Variants in LAPTM4B observed in about 807,000 individuals in gnomAD.
LAPTM4B encodes the protein lysosomal-associated transmembrane protein 4B.
In LAPTM4B, 26 loss-of-function variants were observed where a neutral mutation model predicts 28.5. The observed-to-expected ratio is 0.91, with a 90% CI of 0.67 to 1.27. The LOEUF is 1.27. Among genes scored for constraint, LAPTM4B ranks in the 50% most tolerant of loss-of-function variants. LAPTM4B has a pLI of 0.00. For missense variants in LAPTM4B, 288 were observed against 285.8 expected, an observed-to-expected ratio of 1.01 and a Z score of -0.06; for synonymous variants, 109 against 106.4, an observed-to-expected ratio of 1.02 and a Z score of -0.15.
chr8:97,784,388 A>G (rs754278354), intron 1 of LAPTM4B, among the ~76,000 whole-genome samples: 16 of 152,200 alleles, frequency 1.1e-4, no homozygotes, highest in Admixed American at 2.0e-4. Context: ...ACCATTGAAG[A>G]ATTATGAACA....
At chr8:97,848,210 C>T (rs562943477) in intron 6 of LAPTM4B, among the ~76,000 whole-genome samples, 17 of 152,192 alleles carry the variant, frequency 1.1e-4, no homozygotes, top group African/African-American at 2.4e-4. Context: ...TGCACTCAGC[C>T]GAGATCGCGC....
intron 3 of LAPTM4B, 41 bp from the exon 4 acceptor site, chr8:97,816,017 A>G: frequency 6.8e-7 from 1 of 1,476,084 alleles, no homozygotes; most frequent in Non-Finnish European, 9.1e-7. Context: ...ATTGTTTTAT[A>G]ATATTGAACA....
chr8:97,783,100 T>G (rs1320989871), intron 1 of LAPTM4B, among the ~76,000 whole-genome samples: 1 of 144,074 alleles, frequency 6.9e-6, no homozygotes, highest in Non-Finnish European at 1.5e-5. Context: ...TTAAATATCC[T>G]TGTTCAGTTA....
In LAPTM4B at chr8:97,812,216, T is replaced by G. The variant is rs542331085; in HGVS notation, c.212-3112T>G. 6.8e-3 allele frequency among the ~76,000 whole-genome samples: 185 copies of G among 27,370 alleles called. 7 individuals are homozygous for G. Among genetic ancestry groups the G allele is most frequent in the Middle Eastern group, 0.037 (2 of 54 alleles). The allele number at this position is 27,370 out of a possible 152,430, so 18.0% of individuals were successfully genotyped here. A position where few individuals can be genotyped will look rare whatever the true frequency, so the allele number is the denominator to read the frequency against. ...GTAAATTAATTATTTGTTTTTTTTTTGTTGTTTTTTGTTTTTTTTTTGAGT... is the reference window on the plus strand; with the variant it reads ...GTAAATTAATTATTTGTTTTTTTTTGGTTGTTTTTTGTTTTTTTTTTGAGT... On this transcript the variant is annotated intron_variant, in intron 2 of 6. Transcript: ENST00000521545.
rs369048476 is a variant in LAPTM4B, at chr8:97,825,152, C to A, written c.602C>A (p.Thr201Lys). 6.5e-7 allele frequency: 1 copy of A among 1,538,906 alleles called. No homozygotes were observed. Among genetic ancestry groups the A allele is most frequent in the East Asian group, 2.3e-5 (1 of 44,430 alleles). The change falls in exon 6 of 7, where the codon ACG becomes AAG. Residue 201 changes from threonine (T) to lysine (K), a missense_variant and splice_region_variant. Thr to Lys is a moderately conservative substitution (Grantham distance 78, BLOSUM62 -1). Coordinates refer to ENST00000521545, the MANE Select transcript of LAPTM4B (RefSeq NM_018407.6). ...VLVYVTSNDT[T>K]VLLPPYDDAT... The stretch of plus-strand genomic sequence containing the variant: ...GTTTATGTTACCAGCAATGACACTA[C>A]GGTAGGTATGATGTCACTTATGGTA...
intron 6 of LAPTM4B, among the ~76,000 whole-genome samples, chr8:97,832,656 C>T (rs982216622): frequency 1.5e-5 from 2 of 130,042 alleles, no homozygotes; most frequent in African/African-American, 2.7e-5. Context: ...AGCTTTCTGA[C>T]GATATTTTTT....
In LAPTM4B at chr8:97,805,441, A is replaced by C. The variant is rs537353515; in HGVS notation, c.188A>C (p.Asp63Ala). ...TTTTCAAGTTCTGAACTGGGAGGTG[A>C]CTTTGAGTTCATGGATGATGCCAGT... ...YNFSSSELGG[D>A]FEFMDDANMC... Residue 63 changes from aspartate (D) to alanine (A), a missense_variant, in exon 2 of 7, where the codon GAC becomes GCC. Transcript: ENST00000521545. The C allele has an allele frequency of 8.9e-5, 143 of 1,607,944 alleles. No individual in the cohort carries two copies. In the Middle Eastern group the frequency reaches 1.2e-3, roughly 13 times the overall value.
At chr8:97,848,239 G>A (rs1817461807) in intron 6 of LAPTM4B, among the ~76,000 whole-genome samples, 1 of 152,208 alleles carries the variant, frequency 6.6e-6, no homozygotes, top group Non-Finnish European at 1.5e-5. Context: ...TCCAGCCTGG[G>A]TGACAGAGCA....
At chr8:97,813,220 C>T (rs1000118760) in intron 2 of LAPTM4B, among the ~76,000 whole-genome samples, 4 of 152,234 alleles carry the variant, frequency 2.6e-5, no homozygotes, top group African/African-American at 9.6e-5. Flanking sequence ...GCTGACAGTG[C>T]AGCCTTCAGT....
At chr8:97,850,966 A>T (rs1233899464) in intron 6 of LAPTM4B, among the ~76,000 whole-genome samples, 1 of 151,028 alleles carries the variant, frequency 6.6e-6, no homozygotes, top group African/African-American at 2.5e-5. Flanking sequence ...ATAAAATGTG[A>T]CTGACCCAGG....
At chr8:97,835,955 G>A (rs1460270203) in intron 6 of LAPTM4B, among the ~76,000 whole-genome samples, 4 of 152,166 alleles carry the variant, frequency 2.6e-5, no homozygotes, top group Admixed American at 1.3e-4. Context: ...CATTTTCATA[G>A]GAGCACAGAC....
At chr8:97,836,291 C>T (rs1449891959) in intron 6 of LAPTM4B, among the ~76,000 whole-genome samples, 1 of 152,172 alleles carries the variant, frequency 6.6e-6, no homozygotes, top group Non-Finnish European at 1.5e-5. Flanking sequence ...AGGGATTCTC[C>T]TCCCTCAGCC....
At chr8:97,843,779 TCAAA>T (rs1373647027) in intron 6 of LAPTM4B, among the ~76,000 whole-genome samples, 7 of 115,222 alleles carry the variant, frequency 6.1e-5, no homozygotes, top group African/African-American at 2.6e-4. Context: ...AAACTCCATC[TCAAA>T]TAAATAAATA....
intron 6 of LAPTM4B, among the ~76,000 whole-genome samples, chr8:97,837,447 C>T (rs545951561): frequency 1.3e-5 from 2 of 151,892 alleles, no homozygotes; most frequent in Non-Finnish European, 2.9e-5. Context: ...CCTGCCTTGG[C>T]CACCCGAAGT....
intron 2 of LAPTM4B, among the ~76,000 whole-genome samples, chr8:97,813,938 C>G (rs1001908837): frequency 1.3e-5 from 2 of 152,042 alleles, no homozygotes; most frequent in Non-Finnish European, 2.9e-5. Flanking sequence ...GTTTGGGGTT[C>G]ATTTTTATAA....
chr8:97,804,940 A>G (rs1176140433), intron 1 of LAPTM4B, among the ~76,000 whole-genome samples: 2 of 152,192 alleles, frequency 1.3e-5, no homozygotes, highest in African/African-American at 2.4e-5. Flanking sequence ...AACCTGTAAA[A>G]TGTTTGATTA....
intron 1 of LAPTM4B, among the ~76,000 whole-genome samples, 163 bp downstream of exon 1, chr8:97,776,271 G>A (rs992600559): frequency 2.0e-5 from 3 of 152,180 alleles, no homozygotes; most frequent in African/African-American, 7.2e-5. Context: ...CCCCCGGCTG[G>A]GCCAGCGCCG....
chr8:97,776,228 A>T, intron 1 of LAPTM4B, 120 bp downstream of exon 1: 4 of 1,188,056 alleles, frequency 3.4e-6, no homozygotes, highest in Non-Finnish European at 4.4e-6. Flanking sequence ...GTATTATTAG[A>T]AACTTAATTC....
chr8:97,786,910 T>C (rs992778902), intron 1 of LAPTM4B, among the ~76,000 whole-genome samples: 3 of 152,124 alleles, frequency 2.0e-5, no homozygotes, highest in African/African-American at 7.2e-5. Flanking sequence ...AACGCAAAAC[T>C]GCAGGAAGGT....
Sources: allele counts gnomAD v4.1 joint callset (sites outside exome capture counted in the v4.1 genomes callset), GRCh38; gene constraint gnomAD v4.1.1; transcripts MANE v1.5; gene names NCBI Gene and HGNC (gene_info 2026-07-23, HGNC 2026-07-21).